CNTNAP2: variants seen among roughly 807,000 people sequenced by gnomAD.
CNTNAP2 encodes contactin associated protein 2.
CNTNAP2 carries 98 observed loss-of-function variants against 155.2 expected under a neutral mutation model. That is an observed-to-expected ratio of 0.63 (90% CI 0.54 to 0.75). The LOEUF (loss-of-function observed/expected upper bound fraction) is 0.75, where lower values mean the gene tolerates loss of function less well. Among genes scored for constraint, CNTNAP2 ranks in the 30% least tolerant of loss-of-function variants. The pLI, the probability that CNTNAP2 is intolerant of heterozygous loss-of-function variation, is 0.00. For synonymous variants in CNTNAP2, 651 were observed against 631.2 expected, an observed-to-expected ratio of 1.03 and a Z score of -0.47; for missense variants, 1,727 against 1,688.1, an observed-to-expected ratio of 1.02 and a Z score of -0.40.
chr7:147,591,089 C>A (rs1188003841), intron 12 of CNTNAP2, among the ~76,000 whole-genome samples: 3 of 152,206 alleles, frequency 2.0e-5, no homozygotes, highest in African/African-American at 7.2e-5. Flanking sequence ...TCACTCAAAC[C>A]AAAACCCTTC....
chr7:147,062,992 T>G (rs1799712093), intron 4 of CNTNAP2, among the ~76,000 whole-genome samples: 1 of 152,194 alleles, frequency 6.6e-6, no homozygotes, highest in South Asian at 2.1e-4. Context: ...GAAAGCAGAA[T>G]AGAAGACTGG....
chr7:147,245,890 T>C (rs1253386433), intron 8 of CNTNAP2, among the ~76,000 whole-genome samples: 2 of 151,038 alleles, frequency 1.3e-5, no homozygotes, highest in Non-Finnish European at 1.5e-5. Flanking sequence ...CAATAGGATA[T>C]ATGTATCTGT....
intron 4 of CNTNAP2, among the ~76,000 whole-genome samples, chr7:147,095,232 C>T (rs1036680571): frequency 1.5e-5 from 2 of 132,032 alleles, no homozygotes; most frequent in Non-Finnish European, 3.1e-5. Context: ...GATGGGGTTT[C>T]ACCATGTTGG....
chr7:147,906,551 C>T (rs1013063378), intron 14 of CNTNAP2, among the ~76,000 whole-genome samples: 4 of 151,160 alleles, frequency 2.6e-5, no homozygotes, highest in African/African-American at 4.9e-5. Context: ...AGTGCAGTGG[C>T]GCAATCTCAG....
At chr7:146,706,176 A>G (rs1800962237) in intron 1 of CNTNAP2, among the ~76,000 whole-genome samples, 1 of 151,472 alleles carries the variant, frequency 6.6e-6, no homozygotes, top group South Asian at 2.1e-4. Flanking sequence ...TCTAGTTGGG[A>G]ACCACTGTGG....
chr7:147,177,354 G>A (rs911071315), intron 8 of CNTNAP2, among the ~76,000 whole-genome samples: 1 of 152,022 alleles, frequency 6.6e-6, no homozygotes, highest in Non-Finnish European at 1.5e-5. Flanking sequence ...GAGAGCTGAT[G>A]GTTTTGTAAG....
At position 147,108,187 on chromosome 7, in the gene CNTNAP2, A is replaced by G. The variant is rs147652359; in HGVS notation, c.591A>G (p.Pro197=). 1.2e-5 allele frequency: 20 copies of G among 1,613,488 alleles called. No homozygotes were observed. Among genetic ancestry groups the G allele is most frequent in the Non-Finnish European group, 1.6e-5 (19 of 1,179,780 alleles). ...ACTTTGATGGCCATGTTGTATTACC[A>G]TATAGATTCAGAAACAAGAAGATGA... is the stretch of plus-strand genomic sequence containing the variant. ...VINFDGHVVL[P]YRFRNKKMKT... The change falls in exon 5 of 24, where the codon CCA becomes CCG. Residue 197 remains proline, a synonymous_variant. Transcript: ENST00000361727.
intron 15 of CNTNAP2, among the ~76,000 whole-genome samples, chr7:148,112,545 C>T (rs1299607299): frequency 6.6e-6 from 1 of 151,972 alleles, no homozygotes; most frequent in Non-Finnish European, 1.5e-5. Context: ...TTCAGCCACC[C>T]AAGTAGCTAG....
intron 7 of CNTNAP2, 39 bp downstream of exon 7, chr7:147,128,875 A>G (rs1321272315): frequency 6.2e-7 from 1 of 1,612,800 alleles, no homozygotes; most frequent in African/African-American, 1.3e-5. Context: ...TCTATAAAAT[A>G]TCAAGTAACA....
chr7:146,479,665 A>G (rs62503530), intron 1 of CNTNAP2, among the ~76,000 whole-genome samples: 30,874 of 151,982 alleles, frequency 0.2, 4,386 homozygotes, highest in African/African-American at 0.41. Context: ...CTTTATAAGT[A>G]TAGAGTCAAG....
At chr7:146,651,451 T>C (rs1023233506) in intron 1 of CNTNAP2, among the ~76,000 whole-genome samples, 4 of 152,196 alleles carry the variant, frequency 2.6e-5, no homozygotes, top group African/African-American at 9.6e-5. Flanking sequence ...AGGGTTGTGA[T>C]GATACGCAAT....
At chr7:146,957,419 A>G (rs956816116) in intron 3 of CNTNAP2, among the ~76,000 whole-genome samples, 4 of 152,216 alleles carry the variant, frequency 2.6e-5, no homozygotes, top group Non-Finnish European at 4.4e-5. Flanking sequence ...CTGTACATCT[A>G]TGTAAGTTGC....
At chr7:146,753,086 A>T (rs1009011808) in intron 1 of CNTNAP2, among the ~76,000 whole-genome samples, 1 of 152,192 alleles carries the variant, frequency 6.6e-6, no homozygotes, top group African/African-American at 2.4e-5. Context: ...CTGTGATTTC[A>T]TCTTGGTCAG....
At chr7:146,538,051 A>G (rs1396565879) in intron 1 of CNTNAP2, among the ~76,000 whole-genome samples, 1 of 152,128 alleles carries the variant, frequency 6.6e-6, no homozygotes, top group African/African-American at 2.4e-5. Context: ...AAAAGAAAGG[A>G]AGAAATATCC....
intron 1 of CNTNAP2, among the ~76,000 whole-genome samples, chr7:146,681,596 AG>A (rs1226465041): frequency 1.0e-4 from 1 of 9,782 alleles, no homozygotes; most frequent in Admixed American, 1.5e-3. Context: ...GGGGGATGGG[AG>A]GGGGTGGGAA....
intron 16 of CNTNAP2, among the ~76,000 whole-genome samples, chr7:148,146,171 A>C (rs1459905208): frequency 2.0e-5 from 3 of 152,230 alleles, no homozygotes; most frequent in Non-Finnish European, 4.4e-5. Context: ...CCAGGAAAAA[A>C]AAATGACAGA....
chr7:146,314,056 G>T lies in CNTNAP2; in HGVS notation c.97+197083G>T, dbSNP rs141749030. ...ATATTTGTATTTCTAGTGATATGGG[G>T]TCTGATTTCGTTCTTCTGAATATGA... On this transcript the variant is annotated intron_variant, in intron 1 of 23. Coordinates refer to ENST00000361727, the MANE Select transcript of CNTNAP2 (RefSeq NM_014141.6). Among the ~76,000 whole-genome samples the T allele has an allele frequency of 1.5e-3, 235 of 152,202 alleles. 1 individual carries two copies. Among genetic ancestry groups the T allele is most frequent in the African/African-American group, 5.2e-3 (217 of 41,530 alleles).
chr7:146,385,307 C>T (rs1237318442), intron 1 of CNTNAP2, among the ~76,000 whole-genome samples: 1 of 152,080 alleles, frequency 6.6e-6, no homozygotes, highest in Admixed American at 6.6e-5. Context: ...CTACAGTATT[C>T]CCACCTGTAC....
intron 1 of CNTNAP2, among the ~76,000 whole-genome samples, chr7:146,476,526 G>T (rs951345145): frequency 6.6e-6 from 1 of 151,750 alleles, no homozygotes; most frequent in African/African-American, 2.4e-5. Flanking sequence ...TTTACTTTTG[G>T]AGAGGCAAGC....
Sources: gnomAD v4.1 joint callset for allele counts (sites outside exome capture counted in the v4.1 genomes callset) on GRCh38, gnomAD v4.1.1 for gene constraint, MANE v1.5 for transcripts, NCBI Gene and HGNC (gene_info 2026-07-23, HGNC 2026-07-21) for gene names.